The following SAMHD1 variants were observed in gnomAD, a reference collection of about 807,000 sequenced individuals.
The protein encoded by SAMHD1 is SAM and HD domain containing deoxynucleoside triphosphate triphosphohydrolase 1.
Under a neutral mutation model 79.6 loss-of-function variants are expected in SAMHD1, and 54 were observed. That is an observed-to-expected ratio of 0.68 (90% CI 0.55 to 0.85). The LOEUF (loss-of-function observed/expected upper bound fraction) is 0.85, where lower values mean the gene tolerates loss of function less well. SAMHD1 is among the 40% of genes least tolerant of loss of function. The probability of loss-of-function intolerance (pLI) is 0.00; values close to 1 mark genes in which losing one functional copy is unlikely to be tolerated. For synonymous variants in SAMHD1, 260 were observed against 264.1 expected (o/e 0.98, Z 0.15); for missense variants, 663 against 782.7 (o/e 0.85, Z 1.82).
intron 3 of SAMHD1, chr20:36,940,666 TC>T: frequency 9.8e-6 from 3 of 306,620 alleles, no homozygotes; most frequent in South Asian, 3.0e-5. Context: ...ACCACTGTAC[TC>T]CAGCCTAGAT....
chr20:36,895,567 C>T (rs1314633764), intron 15 of SAMHD1, among the ~76,000 whole-genome samples: 4 of 152,012 alleles, frequency 2.6e-5, no homozygotes, highest in Non-Finnish European at 5.9e-5. Flanking sequence ...TAGGAACTGT[C>T]TATCTTAGGT....
chr20:36,934,563 A>G (rs2063589524), intron 4 of SAMHD1: 1 of 150,370 alleles, frequency 6.7e-6, no homozygotes, highest in Non-Finnish European at 1.5e-5. Flanking sequence ...TTTCTCATCA[A>G]TAAAATAAGG....
Position 36,919,444 on chromosome 20 carries a change from C to T in SAMHD1, c.772G>A (p.Gly258Ser). ...CAAATATCTTCTTCAGGGATGAGAC[C>T]ATATTGTTCCATGACAGGCTTAATT... ...NGIKPVMEQY[G>S]LIPEEDICFI... Residue 258 changes from glycine (G) to serine (S), a missense_variant, in exon 7 of 16, where the codon GGT becomes AGT. By Grantham distance (56) the Gly-to-Ser change is moderately conservative. Coordinates refer to ENST00000646673, the MANE Select transcript of SAMHD1 (RefSeq NM_015474.4). 6.2e-7 allele frequency: 1 copy of T among 1,612,500 alleles called. No homozygotes were observed. The highest frequency in any genetic ancestry group is 2.2e-5 in the East Asian group (1 of 44,784).
At chr20:36,948,248 G>A (rs1421768460) in intron 1 of SAMHD1, among the ~76,000 whole-genome samples, 1 of 151,782 alleles carries the variant, frequency 6.6e-6, no homozygotes, top group Non-Finnish European at 1.5e-5. Context: ...CTTAGATAAA[G>A]AGAGACTTTT....
At chr20:36,914,169 T>C (rs1601127462) in intron 9 of SAMHD1, among the ~76,000 whole-genome samples, 1 of 152,236 alleles carries the variant, frequency 6.6e-6, no homozygotes, top group East Asian at 1.9e-4. Flanking sequence ...CAACACATGT[T>C]TGAACTGTGA....
chr20:36,898,822 G>T (rs2148356253), intron 13 of SAMHD1, among the ~76,000 whole-genome samples: 1 of 147,402 alleles, frequency 6.8e-6, no homozygotes, highest in South Asian at 2.2e-4. Context: ...TGAGGCAGGA[G>T]AATTGTTTGA....
chr20:36,911,074 T>G (rs2063436476), intron 11 of SAMHD1, 144 bp downstream of exon 11: 1 of 577,702 alleles, frequency 1.7e-6, no homozygotes, highest in Non-Finnish European at 3.0e-6. Flanking sequence ...GGCAATATAG[T>G]GAGACCCTTT....
At chr20:36,951,356 G>T (rs2063733224) in intron 1 of SAMHD1, 80 bp downstream of exon 1, 1 of 1,592,252 alleles carries the variant, frequency 6.3e-7, no homozygotes, top group Non-Finnish European at 8.5e-7. Flanking sequence ...CGGTCCTCTC[G>T]TGGGGCCCCC....
At chr20:36,895,924 T>A (rs1990189244) in intron 15 of SAMHD1, among the ~76,000 whole-genome samples, 1 of 152,078 alleles carries the variant, frequency 6.6e-6, no homozygotes, top group South Asian at 2.1e-4. Context: ...AACAATACAG[T>A]ATTAACAACT....
At chr20:36,921,380 G>A (rs1246040676) in intron 6 of SAMHD1, among the ~76,000 whole-genome samples, 2 of 101,106 alleles carry the variant, frequency 2.0e-5, no homozygotes, top group Non-Finnish European at 3.5e-5. Flanking sequence ...GCGACACAGC[G>A]AGACTCTGTC....
At chr20:36,907,036 C>T (rs1159204728) in intron 11 of SAMHD1, among the ~76,000 whole-genome samples, 1 of 151,862 alleles carries the variant, frequency 6.6e-6, no homozygotes, top group African/African-American at 2.4e-5. Flanking sequence ...AAGTGATCCA[C>T]CCGCCTCAGC....
intron 15 of SAMHD1, among the ~76,000 whole-genome samples, chr20:36,896,814 G>A (rs1990206669): frequency 6.6e-6 from 1 of 151,410 alleles, no homozygotes; most frequent in South Asian, 2.1e-4. Context: ...TAACCTGGGT[G>A]ACAAAGCAAG....
Position 36,907,742 on chromosome 20 carries a change from C to T in SAMHD1, c.1271-2239G>A, listed in dbSNP as rs145347995. 6.6e-4 allele frequency among the ~76,000 whole-genome samples: 101 copies of T among 151,962 alleles called. 1 individual carries two copies. The East Asian group carries it at 0.019, about 29-fold the overall frequency. The stretch of plus-strand genomic sequence containing the variant: ...CTGCCCACTTCGGCCTCCCAAAGTG[C>T]TGGGATTACAGGCGTAAGCCACCAT... On this transcript the variant is annotated intron_variant, in intron 11 of 15. Coordinates refer to ENST00000646673, the MANE Select transcript of SAMHD1 (RefSeq NM_015474.4).
At chr20:36,944,356 C>T (rs1472124341) in intron 2 of SAMHD1, among the ~76,000 whole-genome samples, 1 of 151,808 alleles carries the variant, frequency 6.6e-6, no homozygotes, top group East Asian at 1.9e-4. Context: ...AGATGAGGTC[C>T]CTGGAGATTC....
chr20:36,903,035 G>A (rs976341704), intron 13 of SAMHD1, among the ~76,000 whole-genome samples: 14 of 151,988 alleles, frequency 9.2e-5, no homozygotes, highest in African/African-American at 3.1e-4. Flanking sequence ...CACCTCACTC[G>A]GCCTACACGT....
At chr20:36,912,375 C>T (rs1237218685) in intron 10 of SAMHD1, 86 bp downstream of exon 10, 1 of 811,736 alleles carries the variant, frequency 1.2e-6, no homozygotes, top group Non-Finnish European at 2.1e-6. Flanking sequence ...TTGAACTCAT[C>T]TAGAAATGTC....
intron 4 of SAMHD1, chr20:36,934,696 T>C (rs1326599225): frequency 5.7e-6 from 1 of 174,046 alleles, no homozygotes; most frequent in Non-Finnish European, 1.2e-5. Context: ...TTGCTCTTGT[T>C]GCCTAGGCTG....
intron 4 of SAMHD1, among the ~76,000 whole-genome samples, chr20:36,934,023 G>T (rs1601143648): frequency 6.6e-6 from 1 of 151,130 alleles, no homozygotes; most frequent in East Asian, 2.0e-4. Flanking sequence ...TCCAGCCTGG[G>T]CGACGGAGTG....
chr20:36,907,142 A>C (rs1294371205), intron 11 of SAMHD1, among the ~76,000 whole-genome samples: 1 of 151,472 alleles, frequency 6.6e-6, no homozygotes, highest in African/African-American at 2.4e-5. Flanking sequence ...CCTAGGCTGA[A>C]GTGCAGTGGC....
Sources: gnomAD v4.1 joint callset for allele counts (sites outside exome capture counted in the v4.1 genomes callset) on GRCh38, gnomAD v4.1.1 for gene constraint, MANE v1.5 for transcripts, NCBI Gene and HGNC (gene_info 2026-07-23, HGNC 2026-07-21) for gene names.